Variants in CDH13 observed in about 807,000 individuals in gnomAD.
CDH13 encodes the protein cadherin 13.
CDH13 carries 24 observed loss-of-function variants against 63.8 expected under a neutral mutation model. That is an observed-to-expected ratio of 0.38 (90% CI 0.27 to 0.53). The LOEUF is 0.53. Ranked by LOEUF, CDH13 falls within the 20% of genes least tolerant of loss-of-function variation. The pLI, the probability that CDH13 is intolerant of heterozygous loss-of-function variation, is 0.85. For synonymous variants in CDH13, 503 were observed against 355.3 expected (o/e 1.42, Z -4.67); for missense variants, 1,049 against 903.1 (o/e 1.16, Z -2.07).
chr16:82,971,286 C>T (rs111928728), intron 2 of CDH13, among the ~76,000 whole-genome samples: 2 of 152,210 alleles, frequency 1.3e-5, no homozygotes, highest in Non-Finnish European at 2.9e-5. Context: ...GCTTTCCCTG[C>T]CTTATCTCAT....
chr16:82,670,089 G>C lies in CDH13; in HGVS notation c.45+42952G>C, dbSNP rs566791834. ...TGTCTCAGAGTTTGAGATTCTGCCG[G>C]GGTTTCTTGAGTCACCGAGCATATG... On this transcript the variant is annotated intron_variant, in intron 1 of 13. Coordinates refer to ENST00000567109, the MANE Select transcript of CDH13 (RefSeq NM_001257.5). 1.3e-4 allele frequency among the ~76,000 whole-genome samples: 20 copies of C among 152,294 alleles called. No homozygotes were observed. The East Asian group carries it at 3.9e-3, about 29-fold the overall frequency.
At position 83,242,856 on chromosome 16, in the gene CDH13, C is replaced by A. The variant is rs532044850; in HGVS notation, c.636+25359C>A. 2.0e-5 allele frequency among the ~76,000 whole-genome samples: 3 copies of A among 152,318 alleles called. No individual in the cohort carries two copies. The East Asian group carries it at 5.8e-4, about 29-fold the overall frequency. On this transcript the variant is annotated intron_variant, in intron 5 of 13. Transcript: ENST00000567109. ...TCAGTCACTTTCTCACTTCCCCTGA[C>A]TCAGCTGGATTCTCATCTTCTCTGG... is the stretch of plus-strand genomic sequence containing the variant.
intron 1 of CDH13, among the ~76,000 whole-genome samples, chr16:82,822,852 G>A (rs569308410): frequency 6.6e-5 from 10 of 152,118 alleles, no homozygotes; most frequent in South Asian, 2.1e-4. Context: ...TTTTATTATC[G>A]TCTCTCACAG....
At chr16:83,560,495 G>A (rs1333738811) in intron 7 of CDH13, among the ~76,000 whole-genome samples, 1 of 152,194 alleles carries the variant, frequency 6.6e-6, no homozygotes, top group African/African-American at 2.4e-5. Context: ...AGCTGCATGG[G>A]AAAATGGTTG....
intron 6 of CDH13, among the ~76,000 whole-genome samples, chr16:83,362,983 A>C (rs1258699352): frequency 6.6e-6 from 1 of 152,234 alleles, no homozygotes; most frequent in Non-Finnish European, 1.5e-5. Flanking sequence ...TTACAGCATG[A>C]GACAGTCCGG....
chr16:82,884,031 T>G (rs1398566243), intron 2 of CDH13, among the ~76,000 whole-genome samples: 4 of 152,008 alleles, frequency 2.6e-5, no homozygotes, highest in Non-Finnish European at 4.4e-5. Flanking sequence ...TTTGGGTGTA[T>G]GAGATGAATT....
At chr16:83,583,106 A>G (rs1417444360) in intron 7 of CDH13, among the ~76,000 whole-genome samples, 2 of 152,132 alleles carry the variant, frequency 1.3e-5, no homozygotes, top group African/African-American at 2.4e-5. Flanking sequence ...CCAGTTCCTT[A>G]GTTTCCAGCT....
At chr16:83,111,773 T>A (rs934825688) in intron 3 of CDH13, among the ~76,000 whole-genome samples, 1 of 152,190 alleles carries the variant, frequency 6.6e-6, no homozygotes, top group Admixed American at 6.5e-5. Context: ...CAAGAATTCA[T>A]AAAACCAACT....
intron 1 of CDH13, chr16:82,824,095 G>T (rs926742028): frequency 6.6e-6 from 1 of 152,154 alleles, no homozygotes; most frequent in Admixed American, 6.5e-5. Flanking sequence ...GAGGCTATGA[G>T]ATGTCATTAG....
intron 8 of CDH13, among the ~76,000 whole-genome samples, chr16:83,650,842 G>A (rs1598414915): frequency 6.6e-6 from 1 of 152,146 alleles, no homozygotes; most frequent in Admixed American, 6.5e-5. Flanking sequence ...GGCGGCTGAG[G>A]CTGGAGGATT....
rs184311505 is a variant in CDH13, at chr16:82,669,846, T to G, written c.45+42709T>G. Among the ~76,000 whole-genome samples the G allele has an allele frequency of 5.6e-3, 850 of 152,194 alleles. 11 individuals carry two copies. The highest frequency in any genetic ancestry group is 4.6e-3 in the Non-Finnish European group (315 of 68,016). ...AATGTCCTGATCTCACTTTAGGGAG[T>G]TGACAAATGGATCTCTATAAGGCAG... On this transcript the variant is annotated intron_variant, in intron 1 of 13. Coordinates refer to ENST00000567109, the MANE Select transcript of CDH13 (RefSeq NM_001257.5).
At chr16:83,389,372 T>G (rs2151427092) in intron 6 of CDH13, among the ~76,000 whole-genome samples, 1 of 152,342 alleles carries the variant, frequency 6.6e-6, no homozygotes, top group Middle Eastern at 3.4e-3. Flanking sequence ...TTTTCAAATC[T>G]GATTTTCTCA....
chr16:83,343,004 AC>A (rs781158757), intron 5 of CDH13, among the ~76,000 whole-genome samples: 20 of 151,872 alleles, frequency 1.3e-4, no homozygotes, highest in Non-Finnish European at 2.2e-4. Context: ...CTTAAAAAAA[AC>A]ATAAAAGTAT....
Position 83,800,326 on chromosome 16 carries a change from C to G in CDH13, c.*5296C>G, listed in dbSNP as rs563435423. 2.6e-5 allele frequency: 4 copies of G among 152,126 alleles called. No homozygotes were observed. The highest frequency in any genetic ancestry group is 9.7e-5 in the African/African-American group (4 of 41,418). The allele number at this position is 152,126 out of a possible 1,614,324, so 9.4% of individuals were successfully genotyped here. ...TATCTGTCGTACACATGAATTCAGA[C>G]TATTATTAGAGAGTTATATCTGTGT... On this transcript the variant is annotated 3_prime_UTR_variant, in exon 14 of 14. Coordinates refer to ENST00000567109, the MANE Select transcript of CDH13 (RefSeq NM_001257.5).
intron 1 of CDH13, among the ~76,000 whole-genome samples, chr16:82,734,481 G>A (rs1261971187): frequency 1.3e-5 from 2 of 152,162 alleles, no homozygotes; most frequent in East Asian, 1.9e-4. Context: ...TGGAGGGCAG[G>A]GCCTGGGCAC....
chr16:82,628,518 G>A (rs1205301267), intron 1 of CDH13, among the ~76,000 whole-genome samples: 2 of 152,166 alleles, frequency 1.3e-5, no homozygotes, highest in South Asian at 2.1e-4. Context: ...ATGCAGTGAT[G>A]GGTGATAGTA....
At chr16:82,910,519 TC>T (rs2041797224) in intron 2 of CDH13, among the ~76,000 whole-genome samples, 1 of 152,182 alleles carries the variant, frequency 6.6e-6, no homozygotes, top group South Asian at 2.1e-4. Flanking sequence ...AACCTTGAAC[TC>T]CCTGGAGTCA....
intron 5 of CDH13, among the ~76,000 whole-genome samples, chr16:83,334,320 A>T (rs879385218): frequency 1.1e-5 from 1 of 91,028 alleles, no homozygotes; most frequent in Non-Finnish European, 2.3e-5. Context: ...CTCTCTCCCT[A>T]TCTCCCTCTC....
chr16:82,815,520 A>T (rs946850430), intron 1 of CDH13, among the ~76,000 whole-genome samples: 1 of 152,148 alleles, frequency 6.6e-6, no homozygotes, highest in African/African-American at 2.4e-5. Context: ...TACATGGGAG[A>T]TATTATTTCC....
Sources: gnomAD v4.1 joint callset for allele counts (sites outside exome capture counted in the v4.1 genomes callset) on GRCh38, gnomAD v4.1.1 for gene constraint, MANE v1.5 for transcripts, NCBI Gene and HGNC (gene_info 2026-07-23, HGNC 2026-07-21) for gene names.